Variants in SGCG observed in about 807,000 individuals in gnomAD.
The protein encoded by SGCG is sarcoglycan gamma.
Under a neutral mutation model 29.3 loss-of-function variants are expected in SGCG, and 26 were observed. That is an observed-to-expected ratio of 0.89 (90% CI 0.65 to 1.23). The LOEUF is 1.23. Among genes scored for constraint, SGCG ranks in the 50% most tolerant of loss-of-function variants. The pLI, the probability that SGCG is intolerant of heterozygous loss-of-function variation, is 0.00. For missense variants in SGCG, 353 were observed against 356.0 expected (o/e 0.99, Z 0.07); for synonymous variants, 145 against 129.7 (o/e 1.12, Z -0.80).
chr13:23,181,266 G>C (rs894260071), intron 1 of SGCG, among the ~76,000 whole-genome samples, 191 bp downstream of exon 1: 1 of 152,014 alleles, frequency 6.6e-6, no homozygotes, highest in African/African-American at 2.4e-5. Context: ...TTTCAACTAA[G>C]TTATTCTGAC....
chr13:23,199,162 G>A (rs1877642034), intron 1 of SGCG, among the ~76,000 whole-genome samples: 1 of 151,934 alleles, frequency 6.6e-6, no homozygotes, highest in Admixed American at 6.6e-5. Context: ...ATGGTTAGCA[G>A]GAGAAATAAT....
chr13:23,201,050 C>A (rs1428737328), intron 1 of SGCG, among the ~76,000 whole-genome samples: 1 of 152,102 alleles, frequency 6.6e-6, no homozygotes. Context: ...TTTGAAAGGA[C>A]CACTCCAGCC....
chr13:23,288,426 T>C (rs1881583904), intron 5 of SGCG, among the ~76,000 whole-genome samples: 1 of 152,214 alleles, frequency 6.6e-6, no homozygotes, highest in Non-Finnish European at 1.5e-5. Context: ...ATTGCCATTC[T>C]TTGAGCAATT....
intron 4 of SGCG, among the ~76,000 whole-genome samples, chr13:23,262,460 A>G (rs1390523691): frequency 6.6e-6 from 1 of 152,012 alleles, no homozygotes; most frequent in African/African-American, 2.4e-5. Context: ...AGCTATAACA[A>G]TCCTCAATAT....
At chr13:23,266,904 A>G (rs1880662977) in intron 4 of SGCG, among the ~76,000 whole-genome samples, 1 of 152,132 alleles carries the variant, frequency 6.6e-6, no homozygotes, top group African/African-American at 2.4e-5. Flanking sequence ...TTTCTTTGTA[A>G]ATTACCCAGC....
chr13:23,223,074 C>G (rs4769244), intron 2 of SGCG, among the ~76,000 whole-genome samples: 43 of 151,710 alleles, frequency 2.8e-4, no homozygotes, highest in Non-Finnish European at 3.8e-4. Context: ...GTCAGGAGAT[C>G]GAGACCATCC....
At position 23,203,780 on chromosome 13, in the gene SGCG, A is replaced by G; in HGVS notation, c.86A>G (p.Tyr29Cys). 1.2e-6 allele frequency: 2 copies of G among 1,613,932 alleles called. No individual in the cohort carries two copies. Among genetic ancestry groups the G allele is most frequent in the Non-Finnish European group, 1.7e-6 (2 of 1,179,846 alleles). ...CAGTATGTCTACAAAATTGGCATTT[A>G]TGGCTGGAGAAAGCGCTGTCTCTAC... ...ENQYVYKIGI[Y>C]GWRKRCLYLF... Residue 29 changes from tyrosine to cysteine, a missense_variant, in exon 2 of 8, where the codon TAT (tyrosine) becomes TGT (cysteine). Tyr to Cys is a radical substitution (Grantham distance 194, BLOSUM62 -2). Transcript: ENST00000218867.
chr13:23,168,036 T>TC, the SGCG span, among the ~76,000 whole-genome samples: 2 of 152,180 alleles, frequency 1.3e-5, no homozygotes, highest in Non-Finnish European at 2.9e-5. Flanking sequence ...TGCGCCTCGC[T>TC]CCCTTGCCCA....
At chr13:23,237,041 T>G (rs1318511165) in intron 3 of SGCG, among the ~76,000 whole-genome samples, 1 of 152,164 alleles carries the variant, frequency 6.6e-6, no homozygotes, top group Non-Finnish European at 1.5e-5. Flanking sequence ...AGAAAAGAAA[T>G]TACTTTATGA....
chr13:23,177,656 C>T (rs1876602181), upstream of SGCG, among the ~76,000 whole-genome samples: 1 of 145,250 alleles, frequency 6.9e-6, no homozygotes, highest in African/African-American at 2.6e-5. Context: ...ACTGCAACTA[C>T]CACCTCCCAG....
At chr13:23,166,483 C>T in the SGCG span, among the ~76,000 whole-genome samples, 8 of 152,196 alleles carry the variant, frequency 5.3e-5, no homozygotes, top group Non-Finnish European at 7.3e-5. Flanking sequence ...CCTGAGCCAC[C>T]GTGCCCAGCC....
At chr13:23,187,479 G>T (rs1423111379) in intron 1 of SGCG, among the ~76,000 whole-genome samples, 1 of 152,180 alleles carries the variant, frequency 6.6e-6, no homozygotes, top group Non-Finnish European at 1.5e-5. Context: ...TGTCAGCGAG[G>T]AGGTTTTCTC....
intron 6 of SGCG, among the ~76,000 whole-genome samples, chr13:23,300,973 G>A (rs7995677): frequency 0.72 from 109,556 of 151,714 alleles, 41,450 homozygotes; most frequent in East Asian, 0.89. Flanking sequence ...AGAATTAGCC[G>A]GGTGTGGTGG....
intron 1 of SGCG, among the ~76,000 whole-genome samples, chr13:23,187,617 G>A (rs1877041613): frequency 6.6e-6 from 1 of 152,172 alleles, no homozygotes; most frequent in Admixed American, 6.5e-5. Flanking sequence ...TCACCCCTGT[G>A]TGGCCAGGAG....
chr13:23,302,711 G>T (rs954043577), intron 6 of SGCG, among the ~76,000 whole-genome samples: 1 of 152,028 alleles, frequency 6.6e-6, no homozygotes, highest in Non-Finnish European at 1.5e-5. Context: ...GTAACAAAAA[G>T]TAAAATTGTA....
At chr13:23,217,057 C>T (rs1250402011) in intron 2 of SGCG, among the ~76,000 whole-genome samples, 2 of 151,908 alleles carry the variant, frequency 1.3e-5, no homozygotes, top group Non-Finnish European at 2.9e-5. Context: ...TGGGAAGTAC[C>T]ACCACTCCGG....
At chr13:23,257,122 A>G (rs1255467734) in intron 4 of SGCG, among the ~76,000 whole-genome samples, 1 of 152,108 alleles carries the variant, frequency 6.6e-6, no homozygotes, top group Non-Finnish European at 1.5e-5. Context: ...CATTTCTCTG[A>G]TGACCAGTGA....
intron 5 of SGCG, among the ~76,000 whole-genome samples, chr13:23,290,451 A>G (rs1881656978): frequency 6.6e-6 from 1 of 152,220 alleles, no homozygotes; most frequent in South Asian, 2.1e-4. Flanking sequence ...TGGTGTCAAG[A>G]GAGACTATTT....
At chr13:23,204,143 A>C (rs1877887651) in intron 2 of SGCG, among the ~76,000 whole-genome samples, 1 of 151,158 alleles carries the variant, frequency 6.6e-6, no homozygotes, top group Non-Finnish European at 1.5e-5. Context: ...AATAGTGGGA[A>C]TATTGTAATA....
Sources: allele counts gnomAD v4.1 joint callset (sites outside exome capture counted in the v4.1 genomes callset), GRCh38; gene constraint gnomAD v4.1.1; transcripts MANE v1.5; gene names NCBI Gene and HGNC (gene_info 2026-07-23, HGNC 2026-07-21).